The following MOCS1 variants were observed in gnomAD, a reference collection of about 807,000 sequenced individuals.
MOCS1 encodes the protein molybdenum cofactor synthesis 1.
In MOCS1, 39 loss-of-function variants were observed where a neutral mutation model predicts 57.6. The ratio of observed to expected loss-of-function variants is 0.68; its 90% CI spans 0.52 to 0.88. The LOEUF is 0.88. Among genes scored for constraint, MOCS1 ranks in the 40% least tolerant of loss-of-function variants. The probability of loss-of-function intolerance (pLI) is 0.00; values close to 1 mark genes in which losing one functional copy is unlikely to be tolerated. For missense variants in MOCS1, 795 were observed against 831.1 expected, an observed-to-expected ratio of 0.96 and a Z score of 0.53; for synonymous variants, 334 against 335.7, an observed-to-expected ratio of 1.00 and a Z score of 0.05.
chr6:39,921,236 A>G (rs1033299122), intron 3 of MOCS1, among the ~76,000 whole-genome samples: 2 of 151,900 alleles, frequency 1.3e-5, no homozygotes, highest in Non-Finnish European at 2.9e-5. Context: ...CGCCTCTACT[A>G]AAAATATAAA....
chr6:39,934,267 G>A (rs1458606928), intron 1 of MOCS1, 28 bp downstream of exon 1: 2 of 1,527,560 alleles, frequency 1.3e-6, no homozygotes, highest in South Asian at 1.3e-5. Flanking sequence ...GCCCCGGGAA[G>A]CTGTGGACGC....
At chr6:39,934,137 G>C (rs1390356303) in intron 1 of MOCS1, among the ~76,000 whole-genome samples, 158 bp downstream of exon 1, 1 of 152,070 alleles carries the variant, frequency 6.6e-6, no homozygotes, top group African/African-American at 2.4e-5. Context: ...GGTGAGACCG[G>C]GCGGTCCATC....
At chr6:39,908,036 C>T (rs1767064019) in intron 10 of MOCS1, among the ~76,000 whole-genome samples, 1 of 152,236 alleles carries the variant, frequency 6.6e-6, no homozygotes. Flanking sequence ...GCCATCAAGG[C>T]CATGAAGGTG....
intron 2 of MOCS1, 57 bp from the exon 3 acceptor site, chr6:39,925,902 G>A (rs1004889674): frequency 1.4e-5 from 21 of 1,542,184 alleles, no homozygotes; most frequent in African/African-American, 5.4e-5. Context: ...CCACAGCCCC[G>A]TGATGCCTCC....
Position 39,905,630 on chromosome 6 carries a change from C to G in MOCS1, c.*727G>C, listed in dbSNP as rs143714234. 6.2e-4 allele frequency: 292 copies of G among 471,176 alleles called. 2 individuals are homozygous for G. The highest frequency in any genetic ancestry group is 4.5e-3 in the African/African-American group (224 of 50,194). The allele number at this position is 471,176 out of a possible 1,614,324, so 29.2% of individuals were successfully genotyped here. On this transcript the variant is annotated 3_prime_UTR_variant, in exon 11 of 11. Coordinates refer to ENST00000340692, the MANE Select transcript of MOCS1 (RefSeq NM_001358530.2). ...CCAGAATAAAGAGGGGTGGGTGGAA[C>G]AGCCGTGAACAGGGCCAGGTGTGGG...
In MOCS1 at chr6:39,905,987, G is replaced by C. The variant is rs1360876305; in HGVS notation, c.*370C>G. The stretch of plus-strand genomic sequence containing the variant: ...ATCTCTCCCCAGGAAAGCAGGAGAA[G>C]AGAAAACCCAAAATGAGAAGGAAAA... On this transcript the variant is annotated 3_prime_UTR_variant, in exon 11 of 11. Coordinates refer to ENST00000340692, the MANE Select transcript of MOCS1 (RefSeq NM_001358530.2). The C allele has an allele frequency of 2.1e-6, 1 of 475,628 alleles. No homozygotes were observed. The highest frequency in any genetic ancestry group is 2.0e-5 in the African/African-American group (1 of 50,672). The allele number at this position is 475,628 out of a possible 1,614,324, so 29.5% of individuals were successfully genotyped here. A position where few individuals can be genotyped will look rare whatever the true frequency, so the allele number is the denominator to read the frequency against.
rs774245310 is a variant in MOCS1, at chr6:39,906,343, G to A, written c.*14C>T. On this transcript the variant is annotated 3_prime_UTR_variant, in exon 11 of 11. Coordinates refer to ENST00000340692, the MANE Select transcript of MOCS1 (RefSeq NM_001358530.2). The stretch of plus-strand genomic sequence containing the variant: ...CTCCAGGCCTGGGTGGGCCATGGGT[G>A]AGAAGGGCAGGTGCTAAGCCCGATG... The A allele has an allele frequency of 4.4e-6, 7 of 1,597,076 alleles. No individual in the cohort carries two copies. Among genetic ancestry groups the A allele is most frequent in the Non-Finnish European group, 2.6e-6 (3 of 1,168,856 alleles).
intron 4 of MOCS1, among the ~76,000 whole-genome samples, chr6:39,915,196 C>T (rs1767586302): frequency 6.6e-6 from 1 of 152,156 alleles, no homozygotes; most frequent in African/African-American, 2.4e-5. Flanking sequence ...GTCTTCTGTC[C>T]CCTCCACAGC....
chr6:39,920,990 G>C (rs71571397), intron 3 of MOCS1, among the ~76,000 whole-genome samples: 10,601 of 151,162 alleles, frequency 0.07, 440 homozygotes, highest in Middle Eastern at 0.11. Flanking sequence ...AAAAAAAAGG[G>C]GGGGGGACAG....
intron 1 of MOCS1, among the ~76,000 whole-genome samples, chr6:39,929,928 C>G (rs951301744): frequency 1.8e-5 from 2 of 111,914 alleles, no homozygotes; most frequent in African/African-American, 7.8e-5. Flanking sequence ...GGCAACAGAG[C>G]GAGATTCTCT....
rs906340757 is a variant in MOCS1 at position 39,904,222 on chromosome 6, G to A, written c.*2135C>T. 2 of 456,652 alleles carry A rather than the reference G, an allele frequency of 4.4e-6. No individual in the cohort carries two copies. The highest frequency in any genetic ancestry group is 4.0e-5 in the African/African-American group (2 of 50,096). 28.3% of individuals were successfully genotyped at this position (456,652 alleles called of 1,614,324 possible). On this transcript the variant is annotated 3_prime_UTR_variant, in exon 11 of 11. Coordinates refer to ENST00000340692, the MANE Select transcript of MOCS1 (RefSeq NM_001358530.2). Reference sequence around the variant, plus strand: ...GCAGAATTTGGTTCAACTGTTGACAGAGGACACAAATACGTTGTTCCAGAG... The same window carrying A: ...GCAGAATTTGGTTCAACTGTTGACAAAGGACACAAATACGTTGTTCCAGAG...
intron 10 of MOCS1, 96 bp downstream of exon 10, chr6:39,908,959 G>T: frequency 2.0e-6 from 2 of 1,011,302 alleles, no homozygotes; most frequent in Non-Finnish European, 3.2e-6. Context: ...AAATCAGCAT[G>T]AAATGCAGGA....
At chr6:39,913,900 G>GA in intron 4 of MOCS1, 65 bp from the exon 5 acceptor site, 2 of 1,499,336 alleles carry the variant, frequency 1.3e-6, no homozygotes, top group South Asian at 1.1e-5. Flanking sequence ...CACCCCCACA[G>GA]AAAAGCACCA....
chr6:39,919,212 C>T lies in MOCS1; in HGVS notation c.419-2980G>A, dbSNP rs879491700. Among the ~76,000 whole-genome samples, 86 of 152,114 alleles carry T rather than the reference C, an allele frequency of 5.7e-4. 3 individuals carry two copies. Among genetic ancestry groups the T allele is most frequent in the African/African-American group, 1.9e-4 (8 of 41,434 alleles). On this transcript the variant is annotated intron_variant, in intron 3 of 10. Transcript: ENST00000340692. ...TTAAAAGTCAACTGGAGGCCAGGCA[C>T]GGTGGCTGATGGCTGTAATCCCAGA... is the stretch of plus-strand genomic sequence containing the variant.
At position 39,934,411 on chromosome 6, in the gene MOCS1, C is replaced by G. The variant is rs371890945; in HGVS notation, c.7G>C (p.Ala3Pro). The change falls in exon 1 of 11, where the codon GCG (alanine) becomes CCG (proline). Residue 3 changes from alanine (A) to proline (P), a missense_variant. By Grantham distance (27) the Ala-to-Pro change is conservative. Transcript: ENST00000340692. ...CGCAGCATCCGGGACAGTGGCCGCGCCGCCATGAAGCCTGATACGAGCGGA... is the reference window on the plus strand; with the variant it reads ...CGCAGCATCCGGGACAGTGGCCGCGGCGCCATGAAGCCTGATACGAGCGGA... MA[A>P]RPLSRMLRRL... 6.4e-7 allele frequency: 1 copy of G among 1,567,264 alleles called. No homozygotes were observed. The highest frequency in any genetic ancestry group is 1.3e-5 in the African/African-American group (1 of 74,230).
chr6:39,906,515 C>G lies in MOCS1; in HGVS notation c.1753G>C (p.Gly585Arg). Residue 585 changes from glycine to arginine, a missense_variant, in exon 11 of 11, where the codon GGC becomes CGC. Physicochemically the swap from Gly to Arg is moderately radical, Grantham distance 125. Transcript: ENST00000340692. ...GCCTCCATCTCCACCCCGGTGGGGC[C>G]CCGAGCCCGGCAAGATGCCTGGATC... ...VKIQASCRAR[G>R]PTGVEMEALT... is the part of the protein sequence containing the mutation. The G allele has an allele frequency of 6.2e-7, 1 of 1,614,006 alleles. No homozygotes were observed. Among genetic ancestry groups the G allele is most frequent in the Non-Finnish European group, 8.5e-7 (1 of 1,180,048 alleles).
At chr6:39,924,780 A>G (rs1768180563) in intron 3 of MOCS1, among the ~76,000 whole-genome samples, 2 of 152,216 alleles carry the variant, frequency 1.3e-5, no homozygotes, top group Non-Finnish European at 2.9e-5. Context: ...CCCATTATTT[A>G]GGAGCATAAA....
At chr6:39,917,147 G>A (rs1302930077) in intron 3 of MOCS1, among the ~76,000 whole-genome samples, 1 of 152,146 alleles carries the variant, frequency 6.6e-6, no homozygotes, top group Non-Finnish European at 1.5e-5. Flanking sequence ...ACCTGAGACT[G>A]GGTAATTTAT....
At chr6:39,930,889 GTGGAAA>G (rs1768609604) in intron 1 of MOCS1, among the ~76,000 whole-genome samples, 1 of 152,328 alleles carries the variant, frequency 6.6e-6, no homozygotes, top group Admixed American at 6.5e-5. Context: ...CATCTATGCA[GTGGAAA>G]TAATAATCCA....
Sources: gnomAD v4.1 joint callset for allele counts (sites outside exome capture counted in the v4.1 genomes callset) on GRCh38, gnomAD v4.1.1 for gene constraint, MANE v1.5 for transcripts, NCBI Gene and HGNC (gene_info 2026-07-23, HGNC 2026-07-21) for gene names.